Variants in FBXW4 observed in about 807,000 individuals in gnomAD.
FBXW4 encodes the protein F-box and WD repeat domain containing 4.
Under a neutral mutation model 61.8 loss-of-function variants are expected in FBXW4, and 40 were observed. The observed-to-expected ratio is 0.65, with a 90% CI of 0.50 to 0.84. The LOEUF is 0.84. FBXW4 is among the 40% of genes least tolerant of loss of function. FBXW4 has a pLI of 0.00. For missense variants in FBXW4, 672 were observed against 753.8 expected (o/e 0.89, Z 1.27); for synonymous variants, 311 against 313.8 (o/e 0.99, Z 0.10).
intron 5 of FBXW4, among the ~76,000 whole-genome samples, chr10:101,658,591 T>C (rs2064213564): frequency 6.6e-6 from 1 of 151,898 alleles, no homozygotes; most frequent in African/African-American, 2.4e-5. Context: ...ATGAGGAAGG[T>C]AAGACTTGAT....
chr10:101,646,893 C>G (rs2064104036), intron 5 of FBXW4, among the ~76,000 whole-genome samples: 1 of 152,202 alleles, frequency 6.6e-6, no homozygotes, highest in South Asian at 2.1e-4. Context: ...ACCCATTATT[C>G]CTCTTCTGAG....
At chr10:101,630,758 G>A (rs954523023) in intron 5 of FBXW4, among the ~76,000 whole-genome samples, 4 of 152,124 alleles carry the variant, frequency 2.6e-5, no homozygotes, top group Non-Finnish European at 5.9e-5. Flanking sequence ...CAGTTCCTAA[G>A]ATCCAGCCAA....
intron 5 of FBXW4, among the ~76,000 whole-genome samples, chr10:101,645,355 C>T (rs1468443468): frequency 1.3e-5 from 2 of 152,208 alleles, no homozygotes; most frequent in Admixed American, 1.3e-4. Context: ...ACGGTTTGCT[C>T]AGAACAACTG....
intron 5 of FBXW4, among the ~76,000 whole-genome samples, chr10:101,641,559 C>T (rs1178519632): frequency 1.3e-5 from 2 of 152,016 alleles, no homozygotes; most frequent in Non-Finnish European, 2.9e-5. Flanking sequence ...CTCTGAGTGA[C>T]ATGTGCACAC....
intron 5 of FBXW4, among the ~76,000 whole-genome samples, chr10:101,628,575 A>G (rs966135658): frequency 6.6e-6 from 1 of 152,228 alleles, no homozygotes; most frequent in Non-Finnish European, 1.5e-5. Flanking sequence ...AAAGCTAGTC[A>G]TGTGCACTGT....
intron 5 of FBXW4, among the ~76,000 whole-genome samples, chr10:101,649,531 C>T (rs2064129224): frequency 6.6e-6 from 1 of 152,204 alleles, no homozygotes; most frequent in Admixed American, 6.5e-5. Context: ...GCTGGGAGTG[C>T]CTATTTCCCA....
intron 5 of FBXW4, among the ~76,000 whole-genome samples, chr10:101,666,504 G>T (rs992784420): frequency 6.6e-6 from 1 of 152,164 alleles, no homozygotes; most frequent in African/African-American, 2.4e-5. Context: ...AAGCTGAAGG[G>T]CCTAAACGAA....
chr10:101,611,122 C>G lies in FBXW4; in HGVS notation c.*169G>C, dbSNP rs539282974. The G allele has an allele frequency of 1.2e-6, 1 of 831,308 alleles. No individual in the cohort carries two copies. The highest frequency in any genetic ancestry group is 2.7e-5 in the East Asian group (1 of 36,396). The allele number at this position is 831,308 out of a possible 1,614,324, so 51.5% of individuals were successfully genotyped here. A position where few individuals can be genotyped will look rare whatever the true frequency, so the allele number is the denominator to read the frequency against. The stretch of plus-strand genomic sequence containing the variant: ...GGAGGGACTGCATCTCTGGTAAGCT[C>G]CAAAGTCCCAGGAGTCAGAAGCCTC... On this transcript the variant is annotated 3_prime_UTR_variant, in exon 9 of 9. Transcript: ENST00000331272. The surrounding 1 kb of genome is among the most constrained non-coding windows in gnomAD (Gnocchi z 4.9).
intron 2 of FBXW4, 120 bp downstream of exon 2, chr10:101,676,221 G>A: frequency 1.6e-6 from 1 of 631,786 alleles, no homozygotes; most frequent in Non-Finnish European, 2.7e-6. Context: ...TTATTCAAAG[G>A]CTCACCAGTG....
chr10:101,648,229 G>C (rs2064117168), intron 5 of FBXW4, among the ~76,000 whole-genome samples: 1 of 152,182 alleles, frequency 6.6e-6, no homozygotes, highest in Non-Finnish European at 1.5e-5. Context: ...TAGACTTGTA[G>C]TGAAAGCAAA....
At chr10:101,672,491 T>A (rs1452350680) in intron 4 of FBXW4, among the ~76,000 whole-genome samples, 1 of 152,212 alleles carries the variant, frequency 6.6e-6, no homozygotes, top group East Asian at 1.9e-4. Context: ...GAAAACACAT[T>A]TTAATTATCA....
At chr10:101,658,657 CAGG>C (rs1397905066) in intron 5 of FBXW4, among the ~76,000 whole-genome samples, 1 of 152,122 alleles carries the variant, frequency 6.6e-6, no homozygotes, top group Non-Finnish European at 1.5e-5. Flanking sequence ...CACCTAATTG[CAGG>C]AGGATGGAGT....
intron 5 of FBXW4, among the ~76,000 whole-genome samples, chr10:101,639,901 G>A (rs1056202056): frequency 6.6e-5 from 10 of 152,184 alleles, no homozygotes; most frequent in Non-Finnish European, 1.3e-4. Flanking sequence ...TGGATTTCAT[G>A]AGCCAAATAT....
At chr10:101,670,047 G>A (rs999986773) in intron 4 of FBXW4, among the ~76,000 whole-genome samples, 5 of 152,074 alleles carry the variant, frequency 3.3e-5, no homozygotes, top group Non-Finnish European at 7.3e-5. Context: ...GAGCCACCGC[G>A]CCCGGCCGGG....
intron 1 of FBXW4, among the ~76,000 whole-genome samples, chr10:101,689,220 C>G (rs891847540): frequency 3.9e-5 from 6 of 152,148 alleles, no homozygotes; most frequent in African/African-American, 1.4e-4. Flanking sequence ...TTGCTCATCT[C>G]ACAGACTGTG....
At chr10:101,668,033 A>C in intron 4 of FBXW4, 53 bp from the exon 5 acceptor site, 9 of 1,399,144 alleles carry the variant, frequency 6.4e-6, no homozygotes, top group Non-Finnish European at 9.1e-6. Flanking sequence ...ATCAGTGGGG[A>C]GGAGAGGTGC....
In FBXW4 at chr10:101,616,698, G is replaced by A. The variant is rs1057127565; in HGVS notation, c.1302-4221C>T. Among the ~76,000 whole-genome samples, 3 of 152,228 alleles carry A rather than the reference G, an allele frequency of 2.0e-5. No homozygotes were observed. In the East Asian group the frequency reaches 5.8e-4, roughly 29 times the overall value. ...TGTTTTGGCGGCAGCTGGCAATCTGGTTTGGTTGGAGGCTTGGGAGTGTGC... is the reference window on the plus strand; with the variant it reads ...TGTTTTGGCGGCAGCTGGCAATCTGATTTGGTTGGAGGCTTGGGAGTGTGC... On this transcript the variant is annotated intron_variant, in intron 6 of 8. Coordinates refer to ENST00000331272, the MANE Select transcript of FBXW4 (RefSeq NM_022039.4).
In FBXW4 at chr10:101,694,283, C is replaced by A; in HGVS notation, c.725+98G>T. 8.6e-7 allele frequency: 1 copy of A among 1,167,200 alleles called. No individual in the cohort carries two copies. The highest frequency in any genetic ancestry group is 1.1e-6 in the Non-Finnish European group (1 of 904,196). 72.3% of individuals were successfully genotyped at this position (1,167,200 alleles called of 1,614,324 possible). A position where few individuals can be genotyped will look rare whatever the true frequency, so the allele number is the denominator to read the frequency against. On this transcript the variant is annotated intron_variant, in intron 1 of 8. Transcript: ENST00000331272. The surrounding 1 kb of genome is among the most constrained non-coding windows in gnomAD (Gnocchi z 6.0). The stretch of plus-strand genomic sequence containing the variant: ...GGTGTAGGCCTAGAAACTCGGGGTG[C>A]GACACGACCCTGGGCCGACCAGGCC...
intron 6 of FBXW4, among the ~76,000 whole-genome samples, chr10:101,614,669 C>T (rs1294681975): frequency 6.6e-6 from 1 of 152,218 alleles, no homozygotes; most frequent in Non-Finnish European, 1.5e-5. Flanking sequence ...AAAATGGCCA[C>T]ACACACTTTA....
Sources: gnomAD v4.1 joint callset for allele counts (sites outside exome capture counted in the v4.1 genomes callset) on GRCh38, gnomAD v4.1.1 for gene constraint, Gnocchi (gnomAD v3.1) non-coding constraint, MANE v1.5 for transcripts, NCBI Gene and HGNC (gene_info 2026-07-23, HGNC 2026-07-21) for gene names.